Variants in EYS observed in about 807,000 individuals in gnomAD.
EYS encodes the protein protein eyes shut homolog.
EYS carries 250 observed loss-of-function variants against 282.1 expected under a neutral mutation model. The ratio of observed to expected loss-of-function variants is 0.89; its 90% confidence interval spans 0.80 to 0.98. The LOEUF (loss-of-function observed/expected upper bound fraction) is 0.98. Among genes scored for constraint, EYS ranks in the 50% least tolerant of loss-of-function variants. The pLI is 0.00. For missense variants in EYS, 4,016 were observed against 3,709.0 expected (o/e 1.08, Z -2.15); for synonymous variants, 1,355 against 1,282.9 (o/e 1.06, Z -1.20).
chr6:64,430,068 G>A (rs1758251316), intron 28 of EYS, among the ~76,000 whole-genome samples: 1 of 152,140 alleles, frequency 6.6e-6, no homozygotes, highest in African/African-American at 2.4e-5. Flanking sequence ...CCAGCACTCT[G>A]AGCCAAAGTA....
intron 19 of EYS, among the ~76,000 whole-genome samples, chr6:64,844,703 A>G (rs1369668468): frequency 6.6e-6 from 1 of 152,172 alleles, no homozygotes; most frequent in Non-Finnish European, 1.5e-5. Flanking sequence ...TAATAGTGGA[A>G]ATGGATGAGT....
intron 26 of EYS, among the ~76,000 whole-genome samples, chr6:64,566,537 C>T (rs925669334): frequency 1.3e-5 from 2 of 152,070 alleles, no homozygotes; most frequent in African/African-American, 4.8e-5. Context: ...TTTCTTACTA[C>T]AACAGTGCAG....
rs192888784 is a variant in EYS, at chr6:65,169,128, G to A, written c.2024-111401C>T. ...CTGAGTCCAAGAAGAAAGGTTTTTG[G>A]GATAATTCATATATATGTTTTCAAT... On this transcript the variant is annotated intron_variant, in intron 12 of 42. Coordinates refer to ENST00000503581, the MANE Select transcript of EYS (RefSeq NM_001142800.2). 8.3e-4 allele frequency among the ~76,000 whole-genome samples: 125 copies of A among 151,292 alleles called. 2 individuals carry two copies. The highest frequency in any genetic ancestry group is 2.8e-3 in the African/African-American group (115 of 41,368).
chr6:64,237,421 C>T (rs1273350463), intron 30 of EYS, among the ~76,000 whole-genome samples: 2 of 152,172 alleles, frequency 1.3e-5, no homozygotes, highest in African/African-American at 2.4e-5. Flanking sequence ...TAAACACATA[C>T]ACATGTATTT....
intron 29 of EYS, among the ~76,000 whole-genome samples, chr6:64,309,919 C>G (rs1051573912): frequency 6.7e-6 from 1 of 149,458 alleles, no homozygotes; most frequent in Admixed American, 6.7e-5. Context: ...GAACCGAGAT[C>G]GTACCACTGC....
intron 30 of EYS, among the ~76,000 whole-genome samples, chr6:64,302,258 G>GA (rs1769262414): frequency 6.6e-6 from 1 of 152,104 alleles, no homozygotes; most frequent in South Asian, 2.1e-4. Context: ...AACTTACCCA[G>GA]AGACTAGCTA....
intron 29 of EYS, among the ~76,000 whole-genome samples, chr6:64,344,331 C>A (rs1771276228): frequency 6.6e-6 from 1 of 151,800 alleles, no homozygotes; most frequent in Admixed American, 6.6e-5. Context: ...AAACCGAATC[C>A]AGCAGCACAT....
At chr6:65,242,276 G>C (rs1767076325) in intron 12 of EYS, among the ~76,000 whole-genome samples, 1 of 151,962 alleles carries the variant, frequency 6.6e-6, no homozygotes, top group Non-Finnish European at 1.5e-5. Context: ...GAATCTATTA[G>C]CATTCAGTTC....
intron 5 of EYS, among the ~76,000 whole-genome samples, chr6:65,479,221 G>T (rs904978565): frequency 4.6e-5 from 7 of 152,206 alleles, no homozygotes; most frequent in African/African-American, 1.4e-4. Flanking sequence ...ACGTGTAACT[G>T]TAGAAGGAAA....
chr6:63,781,916 T>C (rs944056916), intron 39 of EYS, among the ~76,000 whole-genome samples: 1 of 152,234 alleles, frequency 6.6e-6, no homozygotes, highest in African/African-American at 2.4e-5. Flanking sequence ...TATTTTGAGA[T>C]ACATCCCATC....
chr6:64,264,483 C>T (rs1767689403), intron 30 of EYS, among the ~76,000 whole-genome samples: 1 of 152,112 alleles, frequency 6.6e-6, no homozygotes, highest in Admixed American at 6.6e-5. Context: ...TTCAGGAGAG[C>T]AGTAGAAGTG....
At chr6:65,579,152 A>C (rs116454116) in intron 2 of EYS, among the ~76,000 whole-genome samples, 2 of 152,106 alleles carry the variant, frequency 1.3e-5, no homozygotes, top group Admixed American at 1.3e-4. Context: ...GCCTGTATAC[A>C]TGTGTTTTTT....
chr6:64,065,417 A>C (rs192389307), intron 33 of EYS, among the ~76,000 whole-genome samples: 4 of 152,180 alleles, frequency 2.6e-5, no homozygotes, highest in African/African-American at 9.7e-5. Context: ...AAAATTTTGA[A>C]TTCTTAGTTG....
At chr6:65,620,106 T>C (rs975589460) in intron 2 of EYS, among the ~76,000 whole-genome samples, 2 of 152,150 alleles carry the variant, frequency 1.3e-5, no homozygotes, top group African/African-American at 4.8e-5. Flanking sequence ...TTTCTATTGA[T>C]TGGAATAGTT....
At chr6:64,361,265 A>ATATGG (rs1334990354) in intron 29 of EYS, among the ~76,000 whole-genome samples, 3 of 151,716 alleles carry the variant, frequency 2.0e-5, no homozygotes, top group Non-Finnish European at 4.4e-5. Flanking sequence ...TATGGATAGA[A>ATATGG]ATGAAAATAA....
chr6:63,982,674 C>A (rs1412059053), intron 35 of EYS, among the ~76,000 whole-genome samples: 1 of 151,660 alleles, frequency 6.6e-6, no homozygotes, highest in African/African-American at 2.4e-5. Context: ...CTTAGTTTAT[C>A]AGATAGTCTG....
intron 13 of EYS, among the ~76,000 whole-genome samples, chr6:65,053,184 TAA>T (rs1339075743): frequency 6.6e-6 from 1 of 151,768 alleles, no homozygotes; most frequent in African/African-American, 2.4e-5. Flanking sequence ...GTATGTGCTT[TAA>T]AAAGTTATAA....
intron 31 of EYS, among the ~76,000 whole-genome samples, chr6:64,115,483 T>C (rs76213209): frequency 0.066 from 10,061 of 152,206 alleles, 1,003 homozygotes; most frequent in African/African-American, 0.22. Context: ...TAAGGAGGAC[T>C]CCAGCAGCCT....
At chr6:65,446,835 C>G (rs1167981833) in intron 5 of EYS, among the ~76,000 whole-genome samples, 2 of 150,300 alleles carry the variant, frequency 1.3e-5, no homozygotes, top group Non-Finnish European at 3.0e-5. Context: ...ATATTACAAG[C>G]AAATTTTCTG....
Sources: allele counts gnomAD v4.1 joint callset (sites outside exome capture counted in the v4.1 genomes callset), GRCh38; gene constraint gnomAD v4.1.1; transcripts MANE v1.5; gene names NCBI Gene and HGNC (gene_info 2026-07-23, HGNC 2026-07-21).